GSN: variants seen among roughly 807,000 people sequenced by gnomAD.
GSN encodes the protein actin-depolymerizing factor.
A neutral mutation model predicts 85.7 loss-of-function variants in GSN; 56 were observed. The observed-to-expected ratio is 0.65, with a 90% CI of 0.53 to 0.82. The LOEUF (loss-of-function observed/expected upper bound fraction) is 0.82. GSN is among the 40% of genes least tolerant of loss of function. The probability of loss-of-function intolerance (pLI) is 0.00; values close to 1 mark genes in which losing one functional copy is unlikely to be tolerated. For missense variants in GSN, 857 were observed against 979.8 expected (o/e 0.87, Z 1.67); for synonymous variants, 373 against 399.1 (o/e 0.93, Z 0.78).
chr9:121,231,324 C>G (rs2054383386), intron 5 of GSN: 1 of 152,160 alleles, frequency 6.6e-6, no homozygotes, highest in South Asian at 2.1e-4. Flanking sequence ...ATTTCTTTTT[C>G]TTCTTTTCTA....
chr9:121,274,562 A>G (rs1413136850), intron 1 of GSN, among the ~76,000 whole-genome samples: 3 of 152,196 alleles, frequency 2.0e-5, no homozygotes, highest in Non-Finnish European at 4.4e-5. Context: ...GTCTTTATTC[A>G]GGAACATTGC....
rs1456838842 is a variant in GSN, at chr9:121,329,913, C to T, written c.1965+598C>T. 2.6e-5 allele frequency among the ~76,000 whole-genome samples: 4 copies of T among 152,212 alleles called. No homozygotes were observed. The highest frequency in any genetic ancestry group is 1.9e-4 in the East Asian group (1 of 5,202). ...CATTTTCCTGCTCTCCCAGGGCTTA[C>T]GTTCTCACAGGGGTGTCAGGTCAGT... On this transcript the variant is annotated intron_variant, in intron 16 of 17. Transcript: ENST00000432226. The surrounding 1 kb of genome is among the most constrained non-coding windows in gnomAD (Gnocchi z 4.6).
upstream of GSN, among the ~76,000 whole-genome samples, chr9:121,203,663 C>T (rs903548775): frequency 1.3e-5 from 2 of 152,184 alleles, no homozygotes; most frequent in African/African-American, 4.8e-5. Context: ...CTCATATTTT[C>T]AGAGACCTGG....
intron 2 of GSN, among the ~76,000 whole-genome samples, chr9:121,288,643 G>A (rs2058381592): frequency 6.6e-6 from 1 of 152,178 alleles, no homozygotes; most frequent in Admixed American, 6.5e-5. Flanking sequence ...GATGATAGTT[G>A]ATAGGGCTGG....
intron 10 of GSN, among the ~76,000 whole-genome samples, chr9:121,319,458 C>T (rs186841720): frequency 5.9e-5 from 9 of 151,736 alleles, no homozygotes; most frequent in Admixed American, 1.3e-4. Flanking sequence ...TTAAATCAGA[C>T]ATGCAACAGG....
chr9:121,314,619 A>T (rs189075947), intron 7 of GSN, among the ~76,000 whole-genome samples: 2 of 152,230 alleles, frequency 1.3e-5, no homozygotes, highest in Admixed American at 6.5e-5. Context: ...CTACTACATT[A>T]TCGATTTTTT....
rs1589129617 is a variant in GSN, at chr9:121,318,514, T to G, written c.975+20T>G. 6.3e-7 allele frequency: 1 copy of G among 1,593,526 alleles called. No homozygotes were observed. Among genetic ancestry groups the G allele is most frequent in the Non-Finnish European group, 8.6e-7 (1 of 1,161,452 alleles). On this transcript the variant is annotated intron_variant, in intron 9 of 17. Transcript: ENST00000432226. The surrounding 1 kb of genome is among the most constrained non-coding windows in gnomAD (Gnocchi z 4.3). ...ACTCAGGTGAGTCTTGGAGGCCAGGTAGGATGGGAAGGGGTGGGTCCTGTT... is the reference window on the plus strand; with the variant it reads ...ACTCAGGTGAGTCTTGGAGGCCAGGGAGGATGGGAAGGGGTGGGTCCTGTT...
At chr9:121,294,937 T>G (rs953632477) in intron 2 of GSN, among the ~76,000 whole-genome samples, 1 of 152,202 alleles carries the variant, frequency 6.6e-6, no homozygotes, top group Admixed American at 6.5e-5. Flanking sequence ...GTCCTGCAAC[T>G]GGGCATCACT....
chr9:121,327,150 G>C (rs770003158), intron 13 of GSN, 158 bp from the exon 14 acceptor site: 10 of 772,642 alleles, frequency 1.3e-5, no homozygotes, highest in Non-Finnish European at 1.9e-5. Context: ...GTCAACCAAG[G>C]CCATCAGGGT....
In GSN at chr9:121,324,751, G is replaced by GTCTA. The variant is rs1554823075; in HGVS notation, c.1416+109_1416+110insTATC. ...CATTCGTTTGTCCATCTGTCTGTCT[G>GTCTA]TCCATCCATCCATCCATCCATCCAT... On this transcript the variant is annotated intron_variant, in intron 12 of 17. Coordinates refer to ENST00000432226, the MANE Select transcript of GSN (RefSeq NM_198252.3). The GTCTA allele has an allele frequency of 6.0e-6, 4 of 668,658 alleles. No individual in the cohort carries two copies. The African/African-American group carries it at 7.2e-5, about 12-fold the overall frequency. The allele number at this position is 668,658 out of a possible 1,614,324, so 41.4% of individuals were successfully genotyped here. A position where few individuals can be genotyped will look rare whatever the true frequency, so the allele number is the denominator to read the frequency against.
At chr9:121,242,859 A>G (rs1442776870) in intron 5 of GSN, among the ~76,000 whole-genome samples, 1 of 152,168 alleles carries the variant, frequency 6.6e-6, no homozygotes, top group East Asian at 1.9e-4. Context: ...TCCTTAAGAA[A>G]GAGGAAAATT....
At chr9:121,211,847 AT>A (rs975968107) in intron 4 of GSN, among the ~76,000 whole-genome samples, 5 of 152,130 alleles carry the variant, frequency 3.3e-5, no homozygotes, top group African/African-American at 7.2e-5. Flanking sequence ...AAAAAAATAT[AT>A]TTTTTGAAGG....
chr9:121,251,006 T>G (rs1311185618), intron 6 of GSN, among the ~76,000 whole-genome samples: 1 of 151,580 alleles, frequency 6.6e-6, no homozygotes, highest in Non-Finnish European at 1.5e-5. Flanking sequence ...TATTTTTTTT[T>G]GTAGAGTTGG....
rs569805230 is a variant in GSN, at chr9:121,323,450, A to G, written c.1326-1104A>G. The stretch of plus-strand genomic sequence containing the variant: ...AGTGGCATGATCTCGGCTCACTGCA[A>G]CCTCTGCCTCCCAGGTTCAAGCAAT... On this transcript the variant is annotated intron_variant, in intron 11 of 17. Coordinates refer to ENST00000432226, the MANE Select transcript of GSN (RefSeq NM_198252.3). Among the ~76,000 whole-genome samples, 190 of 146,068 alleles carry G rather than the reference A, an allele frequency of 1.3e-3. 1 individual carries two copies. Among genetic ancestry groups the G allele is most frequent in the African/African-American group, 4.5e-3 (180 of 39,578 alleles).
rs751492486 is a variant in GSN at position 121,310,860 on chromosome 9, C to T, written c.513+15C>T. The T allele has an allele frequency of 1.5e-5, 24 of 1,613,300 alleles. No individual in the cohort carries two copies. The highest frequency in any genetic ancestry group is 5.9e-6 in the Non-Finnish European group (7 of 1,179,802). On this transcript the variant is annotated intron_variant, in intron 5 of 17. Transcript: ENST00000432226. The stretch of plus-strand genomic sequence containing the variant: ...ACCTGGGCAACGTGAGTCCTGCTTT[C>T]CTCTTTCCCAGGAGCCACTGAGGTG...
At chr9:121,293,051 C>T (rs1019007654) in intron 2 of GSN, among the ~76,000 whole-genome samples, 19 of 152,156 alleles carry the variant, frequency 1.2e-4, no homozygotes, top group African/African-American at 4.1e-4. Flanking sequence ...GGCTTGGGGA[C>T]ACAGAAGGGC....
intron 2 of GSN, 193 bp from the exon 3 acceptor site, chr9:121,301,770 G>A: frequency 2.6e-6 from 2 of 781,382 alleles, no homozygotes; most frequent in Non-Finnish European, 4.2e-6. Context: ...AGGTTTTGAA[G>A]CATAAAACTC....
chr9:121,319,200 A>C (rs564170735), intron 10 of GSN, among the ~76,000 whole-genome samples: 1 of 152,334 alleles, frequency 6.6e-6, no homozygotes, highest in African/African-American at 2.4e-5. Flanking sequence ...GTGGTTGGTC[A>C]GGGCAGCCTG....
intron 1 of GSN, among the ~76,000 whole-genome samples, chr9:121,274,726 G>A (rs549717611): frequency 1.1e-4 from 17 of 152,272 alleles, no homozygotes; most frequent in East Asian, 1.9e-4. Context: ...TCAGGAATAA[G>A]GGATATTCTT....
Sources: gnomAD v4.1 joint callset for allele counts (sites outside exome capture counted in the v4.1 genomes callset) on GRCh38, gnomAD v4.1.1 for gene constraint, Gnocchi (gnomAD v3.1) non-coding constraint, MANE v1.5 for transcripts, NCBI Gene and HGNC (gene_info 2026-07-23, HGNC 2026-07-21) for gene names.